Variants in NCOR1 observed in about 807,000 individuals in gnomAD.
NCOR1 encodes nuclear receptor corepressor 1.
In NCOR1, 63 loss-of-function variants were observed where a neutral mutation model predicts 288.1. That is an observed-to-expected ratio of 0.22 (90% CI 0.18 to 0.27). The LOEUF is 0.27. NCOR1 is among the 10% of genes least tolerant of loss of function. The pLI is 1.00. For missense variants in NCOR1, 2,397 were observed against 3,019.2 expected (o/e 0.79, Z 4.83); for synonymous variants, 1,007 against 1,065.9 (o/e 0.94, Z 1.08).
At chr17:16,136,013 A>G (rs1033634226) in intron 14 of NCOR1, among the ~76,000 whole-genome samples, 2 of 152,212 alleles carry the variant, frequency 1.3e-5, no homozygotes, top group African/African-American at 2.4e-5. Context: ...AAAAGCCTCC[A>G]TATTAACTGT....
intron 25 of NCOR1, 111 bp downstream of exon 25, chr17:16,080,297 A>G (rs2063203755): frequency 4.0e-6 from 4 of 1,001,258 alleles, no homozygotes; most frequent in Admixed American, 6.0e-5. Flanking sequence ...ACAAATTTAG[A>G]ATTTAAAGAC....
At chr17:16,194,840 G>C (rs2089409055) in intron 1 of NCOR1, among the ~76,000 whole-genome samples, 1 of 152,014 alleles carries the variant, frequency 6.6e-6, no homozygotes, top group Admixed American at 6.6e-5. Context: ...GTTAATATGT[G>C]ACAAATAATA....
At chr17:16,109,358 T>C (rs957814575) in intron 18 of NCOR1, among the ~76,000 whole-genome samples, 1 of 152,060 alleles carries the variant, frequency 6.6e-6, no homozygotes, top group African/African-American at 2.4e-5. Context: ...TACCGGTACA[T>C]TTCCTTTCAA....
At chr17:16,134,896 A>C (rs2076162433) in intron 14 of NCOR1, among the ~76,000 whole-genome samples, 1 of 152,258 alleles carries the variant, frequency 6.6e-6, no homozygotes, top group South Asian at 2.1e-4. Flanking sequence ...GCCGTGGCTC[A>C]TGCCTGTAAT....
chr17:16,102,274 CT>C lies in NCOR1; in HGVS notation c.2183-518del, dbSNP rs551335537. On this transcript the variant is annotated intron_variant, in intron 19 of 45. Coordinates refer to ENST00000268712, the MANE Select transcript of NCOR1 (RefSeq NM_006311.4). The stretch of plus-strand genomic sequence containing the variant: ...GAAGAAATTGGTCAAATAATTTAAA[CT>C]TTTTTTTTAATTTTTAATTTTTTGG... Among the ~76,000 whole-genome samples, 1,364 of 151,596 alleles carry C rather than the reference CT, an allele frequency of 9.0e-3. 22 individuals are homozygous for C. Among genetic ancestry groups the C allele is most frequent in the African/African-American group, 0.031 (1,296 of 41,308 alleles).
In NCOR1 at chr17:16,070,312, G is replaced by C. The variant is rs1326612685; in HGVS notation, c.4366C>G (p.Pro1456Ala). ...TGCAGTGTGGACCTAAGAACGGAGGGGCCAGAGCTTACCACTGACGTGTGC... is the reference window on the plus strand; with the variant it reads ...TGCAGTGTGGACCTAAGAACGGAGGCGCCAGAGCTTACCACTGACGTGTGC... ...SRHTSVVSSG[P>A]SVLRSTLHEA... The change falls in exon 31 of 46, where the codon CCC (proline) becomes GCC (alanine). Residue 1456 changes from proline to alanine, a missense_variant. Physicochemically the swap from Pro to Ala is conservative, Grantham distance 27 (BLOSUM62 -1). Around this residue, in one of 11 missense-constraint regions of NCOR1, gnomAD observed 1,872 missense variants for 2,187.8 expected, o/e 0.86. Coordinates refer to ENST00000268712, the MANE Select transcript of NCOR1 (RefSeq NM_006311.4). 5 of 1,613,906 alleles carry C rather than the reference G, an allele frequency of 3.1e-6. No individual in the cohort carries two copies. In the Admixed American group the frequency reaches 5.0e-5, roughly 16 times the overall value.
chr17:16,111,915 G>A (rs1010213304), intron 18 of NCOR1, among the ~76,000 whole-genome samples: 1 of 151,894 alleles, frequency 6.6e-6, no homozygotes. Context: ...TGTCACCCAG[G>A]CTGGAGTGCA....
At chr17:16,183,255 AAAAAGAAAAGAAAT>A (rs1416625793) in intron 3 of NCOR1, among the ~76,000 whole-genome samples, 1 of 151,034 alleles carries the variant, frequency 6.6e-6, no homozygotes, top group East Asian at 1.9e-4. Context: ...AGAAAAGAAA[AAAAAGAAAAGAAAT>A]AAAAGGCATC....
chr17:16,086,209 T>C, intron 23 of NCOR1, 73 bp downstream of exon 23: 1 of 1,439,474 alleles, frequency 6.9e-7, no homozygotes, highest in Non-Finnish European at 9.7e-7. Flanking sequence ...GACAAATCAG[T>C]GCGAGGAGGG....
At chr17:16,052,924 G>T (rs906734081) in intron 40 of NCOR1, among the ~76,000 whole-genome samples, 4 of 152,214 alleles carry the variant, frequency 2.6e-5, no homozygotes, top group Middle Eastern at 3.4e-3. Flanking sequence ...GTTATCCCTA[G>T]GATGCAAGGT....
chr17:16,077,586 AGGGG>A (rs2062747278), intron 26 of NCOR1, among the ~76,000 whole-genome samples: 1 of 11,440 alleles, frequency 8.7e-5, no homozygotes, highest in African/African-American at 3.7e-4. Flanking sequence ...GGGGAGGGGG[AGGGG>A]AGAAGGGAGG....
At chr17:16,161,971 T>C (rs898628673) in intron 5 of NCOR1, among the ~76,000 whole-genome samples, 15 of 151,454 alleles carry the variant, frequency 9.9e-5, no homozygotes, top group African/African-American at 3.6e-4. Context: ...ATTGTACAAG[T>C]AAAGAAAATA....
At chr17:16,117,861 A>G in intron 18 of NCOR1, 27 bp downstream of exon 18, 1 of 1,604,754 alleles carries the variant, frequency 6.2e-7, no homozygotes, top group Non-Finnish European at 8.5e-7. Flanking sequence ...AACAGTAAGT[A>G]AAGAGTCACC....
intron 3 of NCOR1, among the ~76,000 whole-genome samples, chr17:16,173,828 G>C (rs1011166116): frequency 1.3e-5 from 2 of 152,114 alleles, no homozygotes; most frequent in African/African-American, 4.8e-5. Context: ...CTACTCGGGA[G>C]GCTGAGGCGG....
At chr17:16,091,743 G>T (rs2065212987) in intron 22 of NCOR1, 120 bp downstream of exon 22, 2 of 1,541,948 alleles carry the variant, frequency 1.3e-6, no homozygotes, top group Non-Finnish European at 1.7e-6. Flanking sequence ...GTGTCTGTTA[G>T]GACAAATATA....
chr17:16,034,722 T>A (rs764309118), intron 45 of NCOR1, 43 bp downstream of exon 45: 1 of 1,516,434 alleles, frequency 6.6e-7, no homozygotes, highest in Non-Finnish European at 9.0e-7. Flanking sequence ...GACATTGATA[T>A]TATTGCTCTG....
chr17:16,127,311 A>ATGTATGTATATATGTATGTATATATACG (rs2074438667), intron 14 of NCOR1, among the ~76,000 whole-genome samples: 2 of 34,396 alleles, frequency 5.8e-5, no homozygotes, highest in Admixed American at 2.6e-4. Flanking sequence ...GTATATATAC[A>ATGTATGTATATATGTATGTATATATACG]TGTATGTATA....
Position 16,146,361 on chromosome 17 carries a change from C to T in NCOR1, c.1082+15G>A, listed in dbSNP as rs752513306. ...GAAGAAAAATATCACAGTCATTAAA[C>T]ATCAAACTACTCACCGCTGAAATCT... On this transcript the variant is annotated intron_variant, in intron 10 of 45. Coordinates refer to ENST00000268712, the MANE Select transcript of NCOR1 (RefSeq NM_006311.4). 23 of 1,570,644 alleles carry T rather than the reference C, an allele frequency of 1.5e-5. No homozygotes were observed. Among genetic ancestry groups the T allele is most frequent in the Non-Finnish European group, 1.8e-5 (21 of 1,164,952 alleles).
intron 3 of NCOR1, among the ~76,000 whole-genome samples, chr17:16,176,151 G>A (rs111780805): frequency 0.013 from 2,005 of 152,142 alleles, 20 homozygotes; most frequent in Middle Eastern, 0.037. Context: ...CCCAGGAAGC[G>A]GAGGTTGCAG....
Sources: allele counts gnomAD v4.1 joint callset (sites outside exome capture counted in the v4.1 genomes callset), GRCh38; gene constraint gnomAD v4.1.1; regional missense constraint gnomAD v4.1.1; transcripts MANE v1.5; gene names NCBI Gene and HGNC (gene_info 2026-07-23, HGNC 2026-07-21).